CLDN10: variants seen among roughly 807,000 people sequenced by gnomAD.
CLDN10 encodes claudin 10, also known as claudin-10.
Under a neutral mutation model 22.9 loss-of-function variants are expected in CLDN10, and 15 were observed. The observed-to-expected ratio is 0.65, with a 90% CI of 0.44 to 1.01. The LOEUF (loss-of-function observed/expected upper bound fraction) is 1.01. CLDN10 is among the 50% of genes least tolerant of loss of function. The probability of loss-of-function intolerance (pLI) is 0.00; values close to 1 mark genes in which losing one functional copy is unlikely to be tolerated. For missense variants in CLDN10, 247 were observed against 287.8 expected, an observed-to-expected ratio of 0.86 and a Z score of 1.03; for synonymous variants, 114 against 111.4, an observed-to-expected ratio of 1.02 and a Z score of -0.15.
At chr13:95,487,245 T>C (rs146465363) in intron 1 of CLDN10, among the ~76,000 whole-genome samples, 1 of 152,374 alleles carries the variant, frequency 6.6e-6, no homozygotes, top group African/African-American at 2.4e-5. Context: ...CTATCTCCTG[T>C]TTGCAGGACT....
At chr13:95,450,527 C>T (rs985652979) in intron 1 of CLDN10, among the ~76,000 whole-genome samples, 16 of 152,214 alleles carry the variant, frequency 1.1e-4, no homozygotes, top group Admixed American at 7.2e-4. Context: ...CGCCAAGCTT[C>T]CTCCTTTTGA....
chr13:95,436,274 C>T (rs2042270773), intron 1 of CLDN10, among the ~76,000 whole-genome samples: 1 of 152,242 alleles, frequency 6.6e-6, no homozygotes, highest in Admixed American at 6.5e-5. Flanking sequence ...ACCTCCACCT[C>T]CCGGGTTCAA....
chr13:95,575,514 A>G (rs1325908408), intron 3 of CLDN10, among the ~76,000 whole-genome samples: 1 of 152,142 alleles, frequency 6.6e-6, no homozygotes, highest in East Asian at 1.9e-4. Flanking sequence ...TAATGAAAGT[A>G]TCTTTTCTGA....
intron 3 of CLDN10, among the ~76,000 whole-genome samples, chr13:95,576,852 TCTAA>T (rs1410172973): frequency 1.3e-5 from 2 of 152,358 alleles, no homozygotes; most frequent in Non-Finnish European, 2.9e-5. Flanking sequence ...CCTTTTGTTT[TCTAA>T]CTAACTACAG....
At chr13:95,574,140 T>C (rs910787447) in intron 3 of CLDN10, among the ~76,000 whole-genome samples, 1 of 152,182 alleles carries the variant, frequency 6.6e-6, no homozygotes, top group Non-Finnish European at 1.5e-5. Flanking sequence ...TTTGGGTTGG[T>C]TCCAAGTCTT....
rs1205131882 is a variant in CLDN10 at position 95,511,086 on chromosome 13, A to G, written c.215-49046A>G. ...TCTAGAAAATAAAACATTTCATGAC[A>G]GGGATCATTTTTTAAAGCTCAAGAA... On this transcript the variant is annotated intron_variant, in intron 1 of 4. Coordinates refer to the CLDN10 transcript ENST00000376873. 2.0e-5 allele frequency among the ~76,000 whole-genome samples: 3 copies of G among 152,208 alleles called. No individual in the cohort carries two copies. The East Asian group carries it at 5.8e-4, about 29-fold the overall frequency.
At chr13:95,540,069 G>T (rs1317922300) in intron 1 of CLDN10, among the ~76,000 whole-genome samples, 2 of 152,142 alleles carry the variant, frequency 1.3e-5, no homozygotes, top group South Asian at 4.1e-4. Flanking sequence ...GGAGGCCGAG[G>T]TGGGTGGATC....
At chr13:95,560,051 C>A in intron 1 of CLDN10, 81 bp from the exon 2 acceptor site, 2 of 1,324,192 alleles carry the variant, frequency 1.5e-6, no homozygotes, top group African/African-American at 2.9e-5. Context: ...AACAAACATC[C>A]AGAATGACAA....
intron 1 of CLDN10, among the ~76,000 whole-genome samples, chr13:95,470,710 C>T (rs1025846466): frequency 6.6e-6 from 1 of 152,132 alleles, no homozygotes; most frequent in Non-Finnish European, 1.5e-5. Context: ...TGGCCGTGCA[C>T]GTCCTGCCTA....
intron 1 of CLDN10, among the ~76,000 whole-genome samples, chr13:95,540,638 A>C (rs957519260): frequency 1.3e-5 from 2 of 152,240 alleles, no homozygotes; most frequent in Non-Finnish European, 2.9e-5. Context: ...ACAAAATTGC[A>C]TGCTAGTTAG....
intron 1 of CLDN10, among the ~76,000 whole-genome samples, chr13:95,461,548 C>T (rs2042536748): frequency 6.6e-6 from 1 of 152,180 alleles, no homozygotes; most frequent in South Asian, 2.1e-4. Context: ...TTTCCCCTGT[C>T]CTATACCAGA....
intron 1 of CLDN10, among the ~76,000 whole-genome samples, chr13:95,521,725 G>A (rs2043225857): frequency 6.6e-6 from 1 of 152,012 alleles, no homozygotes; most frequent in African/African-American, 2.4e-5. Context: ...GTATAAGATT[G>A]ATGTTATTTC....
At chr13:95,515,992 T>A (rs9525000) in intron 1 of CLDN10, among the ~76,000 whole-genome samples, 1 of 151,438 alleles carries the variant, frequency 6.6e-6, no homozygotes, top group East Asian at 1.9e-4. Context: ...GAGAATTGAT[T>A]GAACCCCAGA....
intron 1 of CLDN10, among the ~76,000 whole-genome samples, chr13:95,462,337 T>A (rs893246225): frequency 6.6e-6 from 1 of 152,234 alleles, no homozygotes; most frequent in African/African-American, 2.4e-5. Context: ...ATTATAATCT[T>A]TATAGCCACT....
At position 95,444,719 on chromosome 13, in the gene CLDN10, C is replaced by T. The variant is rs143063264; in HGVS notation, c.214+10672C>T. Among the ~76,000 whole-genome samples, 1,494 of 152,276 alleles carry T rather than the reference C, an allele frequency of 9.8e-3. 25 individuals carry two copies. The highest frequency in any genetic ancestry group is 0.034 in the African/African-American group (1,428 of 41,570). On this transcript the variant is annotated intron_variant, in intron 1 of 4. Transcript: ENST00000376873. ...AACTGCATGTTTCTGAGAAGAATGC[C>T]TGACATTTGAGCTCCCTCATCTATT...
chr13:95,547,709 T>C (rs1018667454), intron 1 of CLDN10, among the ~76,000 whole-genome samples: 1 of 152,210 alleles, frequency 6.6e-6, no homozygotes, highest in African/African-American at 2.4e-5. Flanking sequence ...TCATCTACCC[T>C]CTGTCCGCTA....
intron 3 of CLDN10, among the ~76,000 whole-genome samples, chr13:95,575,405 T>C (rs1201200627): frequency 1.3e-5 from 2 of 152,232 alleles, no homozygotes; most frequent in Non-Finnish European, 2.9e-5. Flanking sequence ...TTGGCAGGCA[T>C]GCTGCTTGTT....
chr13:95,500,317 G>A (rs1437312161), intron 1 of CLDN10, among the ~76,000 whole-genome samples: 4 of 152,220 alleles, frequency 2.6e-5, no homozygotes, highest in Non-Finnish European at 4.4e-5. Context: ...GGAAGTTAGG[G>A]AAAGCATCTC....
At chr13:95,529,300 TTTGA>T (rs1245660338) in intron 1 of CLDN10, among the ~76,000 whole-genome samples, 5 of 152,206 alleles carry the variant, frequency 3.3e-5, no homozygotes, top group Non-Finnish European at 1.5e-5. Flanking sequence ...TTTCTTTTCC[TTTGA>T]TTGGCAGGTG....
Sources: allele counts gnomAD v4.1 joint callset (sites outside exome capture counted in the v4.1 genomes callset), GRCh38; gene constraint gnomAD v4.1.1; transcripts MANE v1.5; gene names NCBI Gene and HGNC (gene_info 2026-07-23, HGNC 2026-07-21).